OSBPL5: variants seen among roughly 807,000 people sequenced by gnomAD.
OSBPL5 encodes oxysterol binding protein like 5.
OSBPL5 carries 71 observed loss-of-function variants against 111.2 expected under a neutral mutation model. That is an observed-to-expected ratio of 0.64 (90% CI 0.53 to 0.78). The LOEUF (loss-of-function observed/expected upper bound fraction) is 0.78, where lower values mean the gene tolerates loss of function less well. OSBPL5 is among the 30% of genes least tolerant of loss of function. The pLI is 0.00. For missense variants in OSBPL5, 1,210 were observed against 1,189.3 expected, an observed-to-expected ratio of 1.02 and a Z score of -0.26; for synonymous variants, 549 against 513.9, an observed-to-expected ratio of 1.07 and a Z score of -0.93.
At chr11:3,131,687 C>G (rs1845790901) in intron 1 of OSBPL5, among the ~76,000 whole-genome samples, 2 of 147,264 alleles carry the variant, frequency 1.4e-5, no homozygotes, top group Non-Finnish European at 3.0e-5. Flanking sequence ...TCCACCCACC[C>G]ACCCATTCAT....
At chr11:3,090,441 T>G (rs1344688767) in intron 20 of OSBPL5, 117 bp downstream of exon 20, 107 of 1,406,936 alleles carry the variant, frequency 7.6e-5, no homozygotes, top group Non-Finnish European at 1.0e-4. Context: ...GAGGAGCTTT[T>G]GCTGGGAGGT....
At chr11:3,135,891 G>A (rs1304743905) in intron 1 of OSBPL5, among the ~76,000 whole-genome samples, 2 of 152,196 alleles carry the variant, frequency 1.3e-5, no homozygotes, top group African/African-American at 2.4e-5. Context: ...CAGAGGCGAG[G>A]GCACAGGAAG....
chr11:3,117,360 T>C (rs1241069769), intron 7 of OSBPL5, among the ~76,000 whole-genome samples: 1 of 152,220 alleles, frequency 6.6e-6, no homozygotes, highest in Non-Finnish European at 1.5e-5. Flanking sequence ...AAGAAGATAA[T>C]AATTCGCCCA....
chr11:3,143,694 C>T (rs190766554), intron 1 of OSBPL5, among the ~76,000 whole-genome samples: 75 of 152,352 alleles, frequency 4.9e-4, no homozygotes, highest in South Asian at 3.7e-3. Context: ...TGCCAGGGCC[C>T]GGCCCGGTTC....
At chr11:3,096,943 GGAGGAGAT>G (rs1857275263) in intron 14 of OSBPL5, among the ~76,000 whole-genome samples, 2 of 150,876 alleles carry the variant, frequency 1.3e-5, no homozygotes, top group South Asian at 2.1e-4. Flanking sequence ...GAGGAAAGAG[GGAGGAGAT>G]GGGAGGAGGA....
intron 1 of OSBPL5, among the ~76,000 whole-genome samples, chr11:3,149,697 C>T (rs888110515): frequency 6.6e-6 from 1 of 152,202 alleles, no homozygotes; most frequent in Non-Finnish European, 1.5e-5. Flanking sequence ...CGGTGCTCCC[C>T]GAGGCCCCTG....
intron 14 of OSBPL5, among the ~76,000 whole-genome samples, chr11:3,098,488 T>C (rs1857348778): frequency 7.1e-6 from 1 of 139,972 alleles, no homozygotes; most frequent in South Asian, 2.3e-4. Context: ...TAAAAAGACA[T>C]GAAGGAATTT....
chr11:3,094,086 C>T, intron 15 of OSBPL5, 151 bp downstream of exon 15: 1 of 807,500 alleles, frequency 1.2e-6, no homozygotes, highest in East Asian at 2.7e-5. Context: ...CTTCTCTGGG[C>T]CCTGTCTGTG....
chr11:3,107,717 C>G lies in OSBPL5; in HGVS notation c.866+54G>C, dbSNP rs1857757152. ...GGCTGTCCTCTCCCCTCTTCCTCGC[C>G]TACAAGGAGACCCCGTGAATCACCA... On this transcript the variant is annotated intron_variant, in intron 8 of 21. Transcript: ENST00000263650. This position sits in a 1 kb window ranked among gnomAD's most constrained non-coding sequence, Gnocchi z 6.1. 6.3e-7 allele frequency: 1 copy of G among 1,594,488 alleles called. No individual in the cohort carries two copies. Among genetic ancestry groups the G allele is most frequent in the East Asian group, 2.2e-5 (1 of 44,738 alleles).
intron 14 of OSBPL5, among the ~76,000 whole-genome samples, chr11:3,098,495 A>ATTTTTTTTTTTTTTTTTTTT (rs552382553): frequency 6.2e-5 from 5 of 81,202 alleles, no homozygotes; most frequent in Non-Finnish European, 6.6e-5. Context: ...ACATGAAGGA[A>ATTTTTTTTTTTTTTTTTTTT]TTTTTTTTTT....
chr11:3,106,217 CCCTGT>C lies in OSBPL5; in HGVS notation c.1059+1041_1059+1045del, dbSNP rs1381720463. 3.9e-5 allele frequency among the ~76,000 whole-genome samples: 6 copies of C among 152,202 alleles called. No homozygotes were observed. Among genetic ancestry groups the C allele is most frequent in the Admixed American group, 6.5e-5 (1 of 15,288 alleles). ...CGGACCACGGAGGAGCCCCCTCTGT[CCCTGT>C]GCAGAGCAAGATGCGAACACGACGC... On this transcript the variant is annotated intron_variant, in intron 9 of 21. Coordinates refer to ENST00000263650, the MANE Select transcript of OSBPL5 (RefSeq NM_020896.4). This position sits in a 1 kb window ranked among gnomAD's most constrained non-coding sequence, Gnocchi z 8.4.
At chr11:3,116,331 A>G (rs989671070) in intron 7 of OSBPL5, among the ~76,000 whole-genome samples, 7 of 152,212 alleles carry the variant, frequency 4.6e-5, no homozygotes, top group African/African-American at 1.4e-4. Context: ...TGGCTGCCCT[A>G]AAACTTTTTA....
In OSBPL5 at chr11:3,124,416, C is replaced by G. The variant is rs572804039; in HGVS notation, c.220-1988G>C. ...TGGACCCTGGCCAGTTGACAGGCCTCCAGGGACCCAGGCTGGCAGAGAAGG... is the reference window on the plus strand; with the variant it reads ...TGGACCCTGGCCAGTTGACAGGCCTGCAGGGACCCAGGCTGGCAGAGAAGG... On this transcript the variant is annotated intron_variant, in intron 3 of 21. Transcript: ENST00000263650. 2.1e-3 allele frequency among the ~76,000 whole-genome samples: 322 copies of G among 152,234 alleles called. 3 individuals carry two copies. Among genetic ancestry groups the G allele is most frequent in the Non-Finnish European group, 3.8e-3 (258 of 68,004 alleles).
intron 14 of OSBPL5, among the ~76,000 whole-genome samples, chr11:3,099,707 A>C (rs75703271): frequency 6.6e-6 from 1 of 152,202 alleles, no homozygotes; most frequent in African/African-American, 2.4e-5. Flanking sequence ...GGAAGCCACA[A>C]GGCAAGCAAA....
intron 10 of OSBPL5, 101 bp from the exon 11 acceptor site, chr11:3,103,421 C>A: frequency 9.4e-7 from 1 of 1,068,240 alleles, no homozygotes. Flanking sequence ...TCCAACCACT[C>A]AGCTGGAAAC....
chr11:3,093,101 C>A (rs751350793), intron 17 of OSBPL5, 49 bp from the exon 18 acceptor site: 6 of 1,452,740 alleles, frequency 4.1e-6, no homozygotes, highest in Non-Finnish European at 5.4e-6. Context: ...CAGCCCGACC[C>A]CTAGGCAGCT....
chr11:3,155,660 C>G (rs1011800676), intron 1 of OSBPL5, among the ~76,000 whole-genome samples: 1 of 147,504 alleles, frequency 6.8e-6, no homozygotes, highest in African/African-American at 2.4e-5. Context: ...CTCACTCACC[C>G]CAGCTCTGCC....
chr11:3,129,698 G>T (rs1858759541), intron 1 of OSBPL5, among the ~76,000 whole-genome samples: 1 of 152,172 alleles, frequency 6.6e-6, no homozygotes, highest in African/African-American at 2.4e-5. Flanking sequence ...GGTCCCAGGA[G>T]CGCCTCGCCT....
intron 4 of OSBPL5, 93 bp downstream of exon 4, chr11:3,122,255 T>C: frequency 7.0e-7 from 1 of 1,424,238 alleles, no homozygotes; most frequent in Non-Finnish European, 9.6e-7. Flanking sequence ...GTTTGTCCCC[T>C]CCTTTTGACA....
Sources: gnomAD v4.1 joint callset for allele counts (sites outside exome capture counted in the v4.1 genomes callset) on GRCh38, gnomAD v4.1.1 for gene constraint, Gnocchi (gnomAD v3.1) non-coding constraint, MANE v1.5 for transcripts, NCBI Gene and HGNC (gene_info 2026-07-23, HGNC 2026-07-21) for gene names.